CPQ: variants seen among roughly 807,000 people sequenced by gnomAD.
CPQ encodes Ser-Met dipeptidase.
A neutral mutation model predicts 45.7 loss-of-function variants in CPQ; 37 were observed. The ratio of observed to expected loss-of-function variants is 0.81; its 90% CI spans 0.62 to 1.07. The LOEUF is 1.07. CPQ is among the 50% of genes least tolerant of loss of function. CPQ has a pLI of 0.00. For synonymous variants in CPQ, 186 were observed against 205.8 expected (o/e 0.90, Z 0.82); for missense variants, 537 against 572.9 (o/e 0.94, Z 0.64).
intron 3 of CPQ, among the ~76,000 whole-genome samples, chr8:96,842,962 A>G (rs1811634365): frequency 6.6e-6 from 1 of 152,014 alleles, no homozygotes; most frequent in Non-Finnish European, 1.5e-5. Context: ...TGCAGTGCAA[A>G]TGGCATGAGT....
At chr8:96,924,788 T>C (rs1054737919) in intron 4 of CPQ, among the ~76,000 whole-genome samples, 4 of 152,234 alleles carry the variant, frequency 2.6e-5, no homozygotes, top group Non-Finnish European at 5.9e-5. Context: ...ATTGAATTAA[T>C]TGAAATATAA....
chr8:97,042,325 G>C (rs1458447551), intron 6 of CPQ, among the ~76,000 whole-genome samples: 3 of 151,832 alleles, frequency 2.0e-5, no homozygotes, highest in African/African-American at 7.3e-5. Context: ...TGGGATCGGT[G>C]GTGATATCCC....
intron 3 of CPQ, among the ~76,000 whole-genome samples, chr8:96,857,469 A>G (rs966105287): frequency 3.9e-5 from 6 of 152,232 alleles, no homozygotes; most frequent in Non-Finnish European, 8.8e-5. Flanking sequence ...ATCCTCAGAT[A>G]AGGATAAACG....
chr8:97,117,790 T>A (rs901765383), intron 7 of CPQ, among the ~76,000 whole-genome samples: 5 of 152,100 alleles, frequency 3.3e-5, no homozygotes, highest in African/African-American at 1.2e-4. Context: ...TATCCTGTCT[T>A]GATGATTTAA....
In CPQ at chr8:96,830,494, T is replaced by A. The variant is rs373009561; in HGVS notation, c.434-4479T>A. Among the ~76,000 whole-genome samples the A allele has an allele frequency of 4.7e-4, 72 of 152,166 alleles. 1 individual carries two copies. Among genetic ancestry groups the A allele is most frequent in the African/African-American group, 1.7e-3 (72 of 41,530 alleles). ...AGGTTAAGTGGCTTAAAAAAATTGA[T>A]CGGTTTTGAAAATTAGGTGTGGAAG... On this transcript the variant is annotated intron_variant, in intron 2 of 7. Transcript: ENST00000220763.
chr8:96,699,837 T>C (rs1041683694), intron 1 of CPQ, among the ~76,000 whole-genome samples: 1 of 152,144 alleles, frequency 6.6e-6, no homozygotes, highest in East Asian at 1.9e-4. Flanking sequence ...ACTGTCCTTA[T>C]CACTCTAAAC....
chr8:97,038,266 T>G (rs1810036460), intron 6 of CPQ, among the ~76,000 whole-genome samples: 1 of 152,258 alleles, frequency 6.6e-6, no homozygotes, highest in South Asian at 2.1e-4. Context: ...GTCAATTATT[T>G]GGCTGGCATT....
At chr8:96,747,522 T>C (rs1240483843) in intron 1 of CPQ, among the ~76,000 whole-genome samples, 1 of 152,206 alleles carries the variant, frequency 6.6e-6, no homozygotes, top group Non-Finnish European at 1.5e-5. Flanking sequence ...ATAGATTGGA[T>C]ATTCTGGTTT....
At chr8:97,106,444 C>T (rs1438037970) in intron 7 of CPQ, among the ~76,000 whole-genome samples, 1 of 152,208 alleles carries the variant, frequency 6.6e-6, no homozygotes, top group East Asian at 1.9e-4. Context: ...AGGCACTCTG[C>T]CAGGTGCTTA....
At chr8:97,009,634 G>A (rs76897240) in intron 5 of CPQ, among the ~76,000 whole-genome samples, 3,438 of 152,296 alleles carry the variant, frequency 0.023, 81 homozygotes, top group African/African-American at 0.061. Context: ...CTCTGGAAAT[G>A]AGTCTTAAGC....
intron 3 of CPQ, among the ~76,000 whole-genome samples, chr8:96,835,786 A>C (rs957528528): frequency 1.3e-5 from 2 of 152,250 alleles, no homozygotes; most frequent in African/African-American, 4.8e-5. Flanking sequence ...AATGAGGTCA[A>C]CTTGAAAAAG....
rs1468117801 is a variant in CPQ, at chr8:96,995,094, C to T, written c.961+29048C>T. The stretch of plus-strand genomic sequence containing the variant: ...ACTGGTTAAGACCCTTAGGCTCTTA[C>T]GTCAGACTATCCAGGTTTGAACACC... On this transcript the variant is annotated intron_variant, in intron 5 of 7. Coordinates refer to ENST00000220763, the MANE Select transcript of CPQ (RefSeq NM_016134.4). Among the ~76,000 whole-genome samples the T allele has an allele frequency of 2.6e-5, 4 of 152,016 alleles. No individual in the cohort carries two copies. The East Asian group carries it at 5.8e-4, about 22-fold the overall frequency.
intron 7 of CPQ, among the ~76,000 whole-genome samples, chr8:97,088,458 C>T (rs1020614444): frequency 6.6e-6 from 1 of 152,148 alleles, no homozygotes; most frequent in African/African-American, 2.4e-5. Flanking sequence ...AGAAATTTTA[C>T]ACAAATTGCT....
chr8:97,044,728 T>C (rs2130496201), intron 6 of CPQ, among the ~76,000 whole-genome samples: 1 of 152,360 alleles, frequency 6.6e-6, no homozygotes, highest in East Asian at 1.9e-4. Context: ...TGCAGGTCTG[T>C]TGGAGTTTGC....
intron 2 of CPQ, among the ~76,000 whole-genome samples, chr8:96,818,980 G>T (rs955423825): frequency 9.2e-5 from 14 of 151,916 alleles, no homozygotes; most frequent in Middle Eastern, 3.2e-3. Context: ...GTGAAATCAG[G>T]CCTGGCCATC....
At position 97,042,210 on chromosome 8, in the gene CPQ, T is replaced by C. The variant is rs866903031; in HGVS notation, c.1053+12716T>C. On this transcript the variant is annotated intron_variant, in intron 6 of 7. Transcript: ENST00000220763. ...GATTCAACTTCTTCCTGGTTTAGTC[T>C]TGGGAGGGTGTATGTGTCGAGGAAT... Among the ~76,000 whole-genome samples the C allele has an allele frequency of 6.3e-3, 961 of 152,304 alleles. 4 individuals are homozygous for C. Among genetic ancestry groups the C allele is most frequent in the African/African-American group, 0.021 (884 of 41,526 alleles).
chr8:97,041,848 G>A (rs999966459), intron 6 of CPQ, among the ~76,000 whole-genome samples: 1 of 152,214 alleles, frequency 6.6e-6, no homozygotes, highest in Non-Finnish European at 1.5e-5. Context: ...CTTGATCATG[G>A]TGGATAAGCT....
At chr8:96,848,687 G>T (rs1297902296) in intron 3 of CPQ, among the ~76,000 whole-genome samples, 5 of 152,100 alleles carry the variant, frequency 3.3e-5, no homozygotes, top group Admixed American at 1.3e-4. Context: ...ACAATTTTAG[G>T]ATTGTTGTCA....
At chr8:96,994,299 G>T (rs767413198) in intron 5 of CPQ, among the ~76,000 whole-genome samples, 14 of 152,078 alleles carry the variant, frequency 9.2e-5, no homozygotes, top group Non-Finnish European at 2.1e-4. Flanking sequence ...GGGAAGATCA[G>T]GTTGCAACTA....
Sources: gnomAD v4.1 joint callset for allele counts (sites outside exome capture counted in the v4.1 genomes callset) on GRCh38, gnomAD v4.1.1 for gene constraint, MANE v1.5 for transcripts, NCBI Gene and HGNC (gene_info 2026-07-23, HGNC 2026-07-21) for gene names.